The following RNF150 variants were observed in gnomAD, a reference collection of about 807,000 sequenced individuals.
RNF150 encodes the protein ring finger protein 150.
A neutral mutation model predicts 39.3 loss-of-function variants in RNF150; 24 were observed. The ratio of observed to expected loss-of-function variants is 0.61; its 90% CI spans 0.44 to 0.86. The LOEUF (loss-of-function observed/expected upper bound fraction) is 0.86, where lower values mean the gene tolerates loss of function less well. Among genes scored for constraint, RNF150 ranks in the 40% least tolerant of loss-of-function variants. The probability of loss-of-function intolerance (pLI) is 0.00; values close to 1 mark genes in which losing one functional copy is unlikely to be tolerated. For missense variants in RNF150, 502 were observed against 587.8 expected (o/e 0.85, Z 1.51); for synonymous variants, 255 against 227.3 (o/e 1.12, Z -1.10).
upstream of RNF150, among the ~76,000 whole-genome samples, chr4:141,135,201 A>G (rs2111117888): frequency 6.6e-6 from 1 of 152,370 alleles, no homozygotes; most frequent in Middle Eastern, 3.4e-3. Flanking sequence ...AACAATGAGT[A>G]TGAAATAATT....
intron 1 of RNF150, among the ~76,000 whole-genome samples, chr4:141,129,133 G>A (rs1726830333): frequency 6.6e-6 from 1 of 152,050 alleles, no homozygotes; most frequent in South Asian, 2.1e-4. Context: ...ATAATCAAGA[G>A]AAATGTCCAT....
rs754789181 is a variant in RNF150 at position 140,911,179 on chromosome 4, A to AT, written c.1162dup (p.Ile388AsnfsTer12). The AT allele has an allele frequency of 6.2e-7, 1 of 1,613,940 alleles. No homozygotes were observed. Among genetic ancestry groups the AT allele is most frequent in the South Asian group, 1.1e-5 (1 of 91,072 alleles). On this transcript the variant is annotated frameshift_variant, in exon 6 of 7. Coordinates refer to ENST00000515673, the MANE Select transcript of RNF150 (RefSeq NM_020724.2). LOFTEE classifies it high-confidence loss of function. Reference sequence around the variant, plus strand: ...AAAGATGACGTCTCCCTCCTGGGGGATGGGGTCTGTATCCTGGACCACCTG... The same window carrying AT: ...AAAGATGACGTCTCCCTCCTGGGGGATTGGGGTCTGTATCCTGGACCACCTG...
At chr4:141,157,742 G>T (rs532669331) in intron 1 of RNF150, among the ~76,000 whole-genome samples, 1 of 152,088 alleles carries the variant, frequency 6.6e-6, no homozygotes, top group East Asian at 1.9e-4. Flanking sequence ...TATTTGCAAC[G>T]TGCATTATAG....
chr4:141,173,022 G>A (rs749687725), intron 1 of RNF150, among the ~76,000 whole-genome samples: 7 of 150,780 alleles, frequency 4.6e-5, no homozygotes, highest in South Asian at 4.2e-4. Context: ...GTGAAACTCC[G>A]TCTTAAAAAA....
chr4:140,952,088 C>A lies in RNF150; in HGVS notation c.736-2716G>T, dbSNP rs185479726. Among the ~76,000 whole-genome samples the A allele has an allele frequency of 8.0e-3, 1,218 of 152,206 alleles. 16 individuals are homozygous for A. The highest frequency in any genetic ancestry group is 0.026 in the African/African-American group (1,085 of 41,514). ...GCAGTGGTGCGATCTCGGCTCACTGCAACCTCTGCCTCCCAGGTTCAAGTG... is the reference window on the plus strand; with the variant it reads ...GCAGTGGTGCGATCTCGGCTCACTGAAACCTCTGCCTCCCAGGTTCAAGTG... On this transcript the variant is annotated intron_variant, in intron 2 of 6. Coordinates refer to ENST00000515673, the MANE Select transcript of RNF150 (RefSeq NM_020724.2).
chr4:141,154,887 A>G (rs1229895013), intron 1 of RNF150, among the ~76,000 whole-genome samples: 1 of 152,150 alleles, frequency 6.6e-6, no homozygotes, highest in Non-Finnish European at 1.5e-5. Flanking sequence ...GGTAGAGGTA[A>G]TTACCTTCAT....
At chr4:141,040,593 T>C (rs981448387) in intron 1 of RNF150, among the ~76,000 whole-genome samples, 1 of 152,138 alleles carries the variant, frequency 6.6e-6, no homozygotes, top group African/African-American at 2.4e-5. Context: ...AAGGCACTTC[T>C]GCAAGAAAAA....
chr4:141,016,115 A>G (rs902303996), intron 1 of RNF150, among the ~76,000 whole-genome samples: 1 of 152,112 alleles, frequency 6.6e-6, no homozygotes, highest in African/African-American at 2.4e-5. Flanking sequence ...TGACCTTCTT[A>G]TCCCTTTAGT....
chr4:140,929,246 G>A (rs1013903634), intron 4 of RNF150, among the ~76,000 whole-genome samples: 6 of 151,752 alleles, frequency 4.0e-5, no homozygotes, highest in African/African-American at 9.7e-5. Context: ...ATACTACAGC[G>A]GAAAAGCCTT....
At chr4:140,917,817 G>C (rs6856279) in intron 5 of RNF150, among the ~76,000 whole-genome samples, 1 of 149,808 alleles carries the variant, frequency 6.7e-6, no homozygotes, top group East Asian at 2.0e-4. Context: ...CAAATGTAAA[G>C]TAACAGAAAT....
chr4:141,132,945 G>A lies in RNF150; in HGVS notation c.-137C>T. 1.5e-6 allele frequency: 1 copy of A among 652,142 alleles called. No individual in the cohort carries two copies. Among genetic ancestry groups the A allele is most frequent in the African/African-American group, 2.0e-5 (1 of 50,974 alleles). 40.4% of individuals were successfully genotyped at this position (652,142 alleles called of 1,614,324 possible). ...CCCGGGCCGGAGGGGCCGCGGCCGG[G>A]ACGCGCAGCCGCCGCGGGGACCGGA... On this transcript the variant is annotated 5_prime_UTR_variant, in exon 1 of 7. Coordinates refer to ENST00000515673, the MANE Select transcript of RNF150 (RefSeq NM_020724.2). This position sits in a 1 kb window ranked among gnomAD's most constrained non-coding sequence, Gnocchi z 4.9.
At chr4:141,192,998 G>C (rs572436547) in intron 1 of RNF150, among the ~76,000 whole-genome samples, 4 of 152,174 alleles carry the variant, frequency 2.6e-5, no homozygotes, top group Non-Finnish European at 5.9e-5. Context: ...CATAAGACCT[G>C]TCTTGGCCAC....
chr4:140,987,582 G>A lies in RNF150; in HGVS notation c.485-19709C>T, dbSNP rs550757903. On this transcript the variant is annotated intron_variant, in intron 1 of 6. Transcript: ENST00000515673. The stretch of plus-strand genomic sequence containing the variant: ...AACCCTATGCAGAAGACTGAAATTG[G>A]ACCCTTCCCATTCACACATACAAAA... Among the ~76,000 whole-genome samples the A allele has an allele frequency of 3.3e-5, 5 of 152,096 alleles. No individual in the cohort carries two copies. The South Asian group carries it at 1.0e-3, about 32-fold the overall frequency.
At chr4:141,169,832 CAG>C (rs1197319046) in intron 1 of RNF150, among the ~76,000 whole-genome samples, 5 of 152,052 alleles carry the variant, frequency 3.3e-5, no homozygotes, top group East Asian at 1.9e-4. Context: ...TTTAGCCTAT[CAG>C]AGTCATGAGT....
chr4:141,078,806 AAAATATATAT>A (rs1225029601), intron 1 of RNF150, among the ~76,000 whole-genome samples: 2 of 62,876 alleles, frequency 3.2e-5, no homozygotes, highest in East Asian at 5.5e-4. Flanking sequence ...AAAAAAAAAA[AAAATATATAT>A]ATATATATAT....
chr4:141,156,439 C>A (rs1313353703), intron 1 of RNF150, among the ~76,000 whole-genome samples: 1 of 152,086 alleles, frequency 6.6e-6, no homozygotes. Context: ...TGCCACAACA[C>A]CTGACTGATT....
rs1384190797 is a variant in RNF150 at position 140,896,723 on chromosome 4, A to AAT, written c.1198+14420_1198+14421insAT. On this transcript the variant is annotated intron_variant, in intron 6 of 6. Coordinates refer to ENST00000515673, the MANE Select transcript of RNF150 (RefSeq NM_020724.2). ...AAACAAAAAAACAAACAAACAAACAAAAAAAAATAATTTTTTTTCTTTAAA... is the reference window on the plus strand; with the variant it reads ...AAACAAAAAAACAAACAAACAAACAAATAAAAAAATAATTTTTTTTCTTTAAA... 1.6e-4 allele frequency among the ~76,000 whole-genome samples: 22 copies of AAT among 136,104 alleles called. 1 individual carries two copies. Among genetic ancestry groups the AAT allele is most frequent in the African/African-American group, 6.3e-4 (22 of 34,972 alleles). The allele number at this position is 136,104 out of a possible 152,430, so 89.3% of individuals were successfully genotyped here.
intron 1 of RNF150, among the ~76,000 whole-genome samples, chr4:141,017,881 A>G (rs1268303064): frequency 6.6e-6 from 1 of 152,122 alleles, no homozygotes; most frequent in Admixed American, 6.6e-5. Context: ...ATGTACCACA[A>G]TTTATTTATC....
At chr4:141,082,414 T>C (rs1422396312) in intron 1 of RNF150, among the ~76,000 whole-genome samples, 1 of 152,146 alleles carries the variant, frequency 6.6e-6, no homozygotes, top group African/African-American at 2.4e-5. Context: ...GCACCATTAC[T>C]GGTTTTCCTT....
Sources: allele counts gnomAD v4.1 joint callset (sites outside exome capture counted in the v4.1 genomes callset), GRCh38; gene constraint gnomAD v4.1.1; non-coding constraint Gnocchi (gnomAD v3.1); transcripts MANE v1.5; gene names NCBI Gene and HGNC (gene_info 2026-07-23, HGNC 2026-07-21).